The following UBAP2 variants were observed in gnomAD, a reference collection of about 807,000 sequenced individuals.
UBAP2 encodes ubiquitin associated protein 2, also known as ubiquitin-associated protein 2.
UBAP2 carries 75 observed loss-of-function variants against 139.6 expected under a neutral mutation model. That is an observed-to-expected ratio of 0.54 (90% CI 0.45 to 0.65). The LOEUF (loss-of-function observed/expected upper bound fraction) is 0.65. Among genes scored for constraint, UBAP2 ranks in the 30% least tolerant of loss-of-function variants. The probability of loss-of-function intolerance (pLI) is 0.00; values close to 1 mark genes in which losing one functional copy is unlikely to be tolerated. For synonymous variants in UBAP2, 526 were observed against 526.2 expected, an observed-to-expected ratio of 1.00 and a Z score of 0.01; for missense variants, 1,368 against 1,369.6, an observed-to-expected ratio of 1.00 and a Z score of 0.02.
chr9:34,007,861 T>G (rs1823375901), intron 2 of UBAP2, among the ~76,000 whole-genome samples: 1 of 152,066 alleles, frequency 6.6e-6, no homozygotes, highest in South Asian at 2.1e-4. Flanking sequence ...CAAGATGGTC[T>G]CTATCTCCTG....
rs1478350578 is a variant in UBAP2, at chr9:34,035,459, G to A, written c.-42+13366C>T. On this transcript the variant is annotated intron_variant, in intron 1 of 28. Transcript: ENST00000379238. ...GGAGGTTGCAGTGAGCCGAGATCGC[G>A]CCACTGCACTCCAGTCTGGGTGACA... Among the ~76,000 whole-genome samples, 18 of 129,516 alleles carry A rather than the reference G, an allele frequency of 1.4e-4. 1 individual carries two copies. In the South Asian group the frequency reaches 4.2e-3, roughly 30 times the overall value. The allele number at this position is 129,516 out of a possible 152,430, so 85.0% of individuals were successfully genotyped here. A position where few individuals can be genotyped will look rare whatever the true frequency, so the allele number is the denominator to read the frequency against.
At chr9:34,043,097 C>T (rs1827241122) in intron 1 of UBAP2, among the ~76,000 whole-genome samples, 2 of 152,106 alleles carry the variant, frequency 1.3e-5, no homozygotes, top group South Asian at 4.1e-4. Context: ...TATGTGTTTA[C>T]CCCCAACCAC....
intron 8 of UBAP2, among the ~76,000 whole-genome samples, chr9:33,969,250 T>A (rs555985181): frequency 6.6e-6 from 1 of 152,290 alleles, no homozygotes; most frequent in African/African-American, 2.4e-5. Flanking sequence ...ATTTGACTTG[T>A]TTTTTAAAAG....
In UBAP2 at chr9:33,996,262, G is replaced by A; in HGVS notation, c.249C>T (p.Asn83=). 1 of 1,613,434 alleles carries A rather than the reference G, an allele frequency of 6.2e-7. No individual in the cohort carries two copies. The highest frequency in any genetic ancestry group is 8.5e-7 in the Non-Finnish European group (1 of 1,179,784). ...VALHDCNGDV[N]KAINILLEGN... The stretch of plus-strand genomic sequence containing the variant: ...CTTCCAGCAATATATTGATAGCTTT[G>A]TTCACATCTCCATTACAATCATGTA... Residue 83 remains asparagine, a synonymous_variant, in exon 4 of 29, where the codon AAC becomes AAT. Coordinates refer to ENST00000379238, the MANE Select transcript of UBAP2 (RefSeq NM_001370062.2).
intron 4 of UBAP2, among the ~76,000 whole-genome samples, chr9:33,994,327 G>C (rs1821966042): frequency 6.6e-6 from 1 of 152,090 alleles, no homozygotes; most frequent in Non-Finnish European, 1.5e-5. Context: ...AACTACCAGA[G>C]AAAAGGAATT....
At chr9:33,935,624 A>AG in intron 17 of UBAP2, 1 of 612,620 alleles carries the variant, frequency 1.6e-6, no homozygotes, top group South Asian at 1.9e-5. Flanking sequence ...TGATTAGGGC[A>AG]GAAGAATATG....
intron 10 of UBAP2, among the ~76,000 whole-genome samples, chr9:33,959,212 G>A (rs1198034171): frequency 1.3e-5 from 2 of 152,058 alleles, no homozygotes; most frequent in Non-Finnish European, 2.9e-5. Context: ...ATCTATGGTA[G>A]TGGGTTGTTC....
chr9:33,966,430 T>C (rs1319118272), intron 8 of UBAP2, among the ~76,000 whole-genome samples: 1 of 152,028 alleles, frequency 6.6e-6, no homozygotes, highest in Admixed American at 6.6e-5. Flanking sequence ...CACTCCAGCC[T>C]GTGTGACAGA....
intron 2 of UBAP2, among the ~76,000 whole-genome samples, chr9:34,009,586 A>G (rs1257072819): frequency 6.6e-6 from 1 of 151,834 alleles, no homozygotes; most frequent in Non-Finnish European, 1.5e-5. Flanking sequence ...TTAATTGGTA[A>G]GCCAATAGAT....
rs571967005 is a variant in UBAP2 at position 33,969,492 on chromosome 9, T to C, written c.679+2159A>G. On this transcript the variant is annotated intron_variant, in intron 8 of 28. Coordinates refer to ENST00000379238, the MANE Select transcript of UBAP2 (RefSeq NM_001370062.2). ...TGAACCCAATGGTTCAAGGCTACAG[T>C]GAGCTATGATCACACTACTGCACTC... 1.5e-4 allele frequency among the ~76,000 whole-genome samples: 23 copies of C among 151,644 alleles called. 1 individual carries two copies.
chr9:34,039,069 A>G (rs1048154273), intron 1 of UBAP2, among the ~76,000 whole-genome samples: 2 of 143,388 alleles, frequency 1.4e-5, no homozygotes, highest in African/African-American at 5.3e-5. Context: ...GGAAGTGAGG[A>G]GCCCCTCCGC....
chr9:33,998,690 AGT>A, intron 3 of UBAP2, 95 bp downstream of exon 3: 1 of 1,098,994 alleles, frequency 9.1e-7, no homozygotes, highest in Non-Finnish European at 1.3e-6. Context: ...AGAAGCTAGA[AGT>A]AATACTTTAA....
At chr9:34,033,969 C>T (rs1234970241) in intron 1 of UBAP2, among the ~76,000 whole-genome samples, 1 of 152,102 alleles carries the variant, frequency 6.6e-6, no homozygotes, top group African/African-American at 2.4e-5. Flanking sequence ...CTCCTGACCT[C>T]AGGTGATCCA....
At chr9:33,960,383 AC>A (rs1055846771) in intron 10 of UBAP2, among the ~76,000 whole-genome samples, 14 of 152,124 alleles carry the variant, frequency 9.2e-5, no homozygotes, top group African/African-American at 3.1e-4. Context: ...ACCCTCAAAA[AC>A]CCTGGCTACG....
chr9:34,043,837 G>GA (rs11435340), intron 1 of UBAP2, among the ~76,000 whole-genome samples: 143,880 of 148,536 alleles, frequency 0.97, 69,777 homozygotes, highest in Non-Finnish European at 1. Flanking sequence ...GTTTCAGGGG[G>GA]AAAAAAAAGG....
At chr9:34,002,459 C>A (rs867469817) in intron 2 of UBAP2, among the ~76,000 whole-genome samples, 6 of 150,076 alleles carry the variant, frequency 4.0e-5, no homozygotes. Flanking sequence ...CTCACTGCAA[C>A]CTCCATCTCC....
chr9:34,033,308 A>T (rs750612104), intron 1 of UBAP2, among the ~76,000 whole-genome samples: 2 of 152,312 alleles, frequency 1.3e-5, no homozygotes, highest in South Asian at 4.1e-4. Context: ...CTGTCATTTG[A>T]AACAACGTGG....
intron 3 of UBAP2, chr9:33,998,468 C>A (rs923142930): frequency 2.9e-5 from 6 of 210,012 alleles, no homozygotes; most frequent in South Asian, 1.1e-4. Context: ...AGAGACTGTG[C>A]CAAATGTTAG....
rs1420464565 is a variant in UBAP2 at position 33,922,340 on chromosome 9, ATACAT to A, written c.*159_*163del. ...ATCACATTTACAAATACATACATAA[ATACAT>A]TACATACAGTAGCCAGTCTGGGAGG... is the stretch of plus-strand genomic sequence containing the variant. On this transcript the variant is annotated 3_prime_UTR_variant, in exon 29 of 29. Coordinates refer to ENST00000379238, the MANE Select transcript of UBAP2 (RefSeq NM_001370062.2). 4 of 683,280 alleles carry A rather than the reference ATACAT, an allele frequency of 5.9e-6. No individual in the cohort carries two copies. The highest frequency in any genetic ancestry group is 5.4e-5 in the African/African-American group (3 of 55,582). The allele number at this position is 683,280 out of a possible 1,614,324, so 42.3% of individuals were successfully genotyped here.
Sources: gnomAD v4.1 joint callset for allele counts (sites outside exome capture counted in the v4.1 genomes callset) on GRCh38, gnomAD v4.1.1 for gene constraint, MANE v1.5 for transcripts, NCBI Gene and HGNC (gene_info 2026-07-23, HGNC 2026-07-21) for gene names.